Variants in WWOX observed in about 807,000 individuals in gnomAD.
WWOX encodes the protein WW domain containing oxidoreductase, also known as WW domain-containing oxidoreductase.
Under a neutral mutation model 46.2 loss-of-function variants are expected in WWOX, and 69 were observed. The observed-to-expected ratio is 1.49, with a 90% confidence interval of 1.23 to 1.82. WWOX has a LOEUF of 1.82. Among genes scored for constraint, WWOX ranks in the 40% most tolerant of loss-of-function variants. WWOX has a pLI of 0.00. For missense variants in WWOX, 919 were observed against 542.6 expected (o/e 1.69, Z -6.89); for synonymous variants, 359 against 202.6 (o/e 1.77, Z -6.56).
chr16:78,621,755 C>T (rs1430271620), intron 8 of WWOX, among the ~76,000 whole-genome samples: 2 of 151,628 alleles, frequency 1.3e-5, no homozygotes, highest in African/African-American at 4.8e-5. Flanking sequence ...CAGGCACTCA[C>T]CACCATGCCT....
At chr16:78,133,208 T>G (rs2151698881) in intron 4 of WWOX, among the ~76,000 whole-genome samples, 1 of 152,318 alleles carries the variant, frequency 6.6e-6, no homozygotes, top group African/African-American at 2.4e-5. Flanking sequence ...TTAAAAAACC[T>G]TATCCGCGTG....
At chr16:78,824,983 G>A (rs2051608436) in intron 8 of WWOX, among the ~76,000 whole-genome samples, 1 of 152,074 alleles carries the variant, frequency 6.6e-6, no homozygotes, top group Non-Finnish European at 1.5e-5. Flanking sequence ...GTAGAAAATG[G>A]CAGCGTTATA....
At chr16:79,133,460 G>A (rs991377445) in intron 8 of WWOX, among the ~76,000 whole-genome samples, 2 of 152,190 alleles carry the variant, frequency 1.3e-5, no homozygotes, top group Non-Finnish European at 2.9e-5. Flanking sequence ...TACACAGAAC[G>A]AGTACGGTCT....
chr16:78,527,201 C>T (rs575532847), intron 8 of WWOX, among the ~76,000 whole-genome samples: 1 of 152,004 alleles, frequency 6.6e-6, no homozygotes, highest in Non-Finnish European at 1.5e-5. Context: ...GATGAACAAC[C>T]CCACACAACC....
In WWOX at chr16:78,868,374, A is replaced by T. The variant is rs570887909; in HGVS notation, c.1057-343234A>T. Reference sequence around the variant, plus strand: ...AGAATGATGGTTGCCTGGGGCTGGGAGTGAGTGGAGGGGATTACCTGGAAA... The same window carrying T: ...AGAATGATGGTTGCCTGGGGCTGGGTGTGAGTGGAGGGGATTACCTGGAAA... On this transcript the variant is annotated intron_variant, in intron 8 of 8. Coordinates refer to ENST00000566780, the MANE Select transcript of WWOX (RefSeq NM_016373.4). Among the ~76,000 whole-genome samples the T allele has an allele frequency of 1.8e-4, 27 of 151,616 alleles. 1 individual carries two copies. The South Asian group carries it at 5.2e-3, about 29-fold the overall frequency.
intron 8 of WWOX, among the ~76,000 whole-genome samples, chr16:79,063,765 AAAAATG>A (rs2048394942): frequency 1.3e-5 from 2 of 152,236 alleles, no homozygotes; most frequent in Non-Finnish European, 2.9e-5. Context: ...AGCTCAAAAT[AAAAATG>A]AAAATGAAAA....
At chr16:78,516,540 CTG>C (rs2043239122) in intron 8 of WWOX, among the ~76,000 whole-genome samples, 1 of 152,132 alleles carries the variant, frequency 6.6e-6, no homozygotes, top group Non-Finnish European at 1.5e-5. Context: ...CAGATTTCCT[CTG>C]TGATGTTGGA....
intron 8 of WWOX, among the ~76,000 whole-genome samples, chr16:79,117,844 C>A (rs2049548433): frequency 6.6e-6 from 1 of 152,206 alleles, no homozygotes; most frequent in Non-Finnish European, 1.5e-5. Flanking sequence ...TCAGCCTTCA[C>A]ACAATTATAG....
At chr16:78,253,358 A>C (rs565868126) in intron 5 of WWOX, among the ~76,000 whole-genome samples, 1 of 152,310 alleles carries the variant, frequency 6.6e-6, no homozygotes, top group South Asian at 2.1e-4. Context: ...TCCATGCACA[A>C]AGTGTTTTGC....
intron 8 of WWOX, among the ~76,000 whole-genome samples, chr16:78,571,018 C>G (rs80196722): frequency 2.0e-5 from 3 of 152,240 alleles, no homozygotes; most frequent in East Asian, 1.9e-4. Context: ...GCCCAGATGA[C>G]TTGTTCATGT....
At chr16:78,244,624 A>G (rs147091805) in intron 5 of WWOX, among the ~76,000 whole-genome samples, 1 of 152,270 alleles carries the variant, frequency 6.6e-6, no homozygotes, top group East Asian at 1.9e-4. Flanking sequence ...AAGTGCAGTG[A>G]TCAATCAGCA....
chr16:78,931,196 C>G (rs1597166879), intron 8 of WWOX, among the ~76,000 whole-genome samples: 1 of 152,186 alleles, frequency 6.6e-6, no homozygotes, highest in African/African-American at 2.4e-5. Context: ...AGTTACCACA[C>G]TCAGGAATAG....
At chr16:79,118,603 T>C (rs2049566000) in intron 8 of WWOX, among the ~76,000 whole-genome samples, 1 of 152,132 alleles carries the variant, frequency 6.6e-6, no homozygotes. Context: ...TAAAATGAGG[T>C]ATGCCGATAA....
At chr16:79,023,915 C>T (rs557781819) in intron 8 of WWOX, among the ~76,000 whole-genome samples, 2 of 152,010 alleles carry the variant, frequency 1.3e-5, no homozygotes, top group Non-Finnish European at 2.9e-5. Flanking sequence ...AAGATTGTGC[C>T]ACTGCACTCC....
intron 8 of WWOX, among the ~76,000 whole-genome samples, chr16:78,542,254 G>A (rs1444799769): frequency 6.6e-6 from 1 of 151,966 alleles, no homozygotes; most frequent in East Asian, 1.9e-4. Flanking sequence ...TGATCTCCTG[G>A]TGCCATTTTC....
At chr16:78,886,967 G>A (rs1039552914) in intron 8 of WWOX, among the ~76,000 whole-genome samples, 17 of 151,848 alleles carry the variant, frequency 1.1e-4, no homozygotes, top group Admixed American at 1.1e-3. Flanking sequence ...AAGTTTATAG[G>A]GTCTGCTGGG....
At chr16:78,870,524 C>G (rs1372226262) in intron 8 of WWOX, among the ~76,000 whole-genome samples, 2 of 152,024 alleles carry the variant, frequency 1.3e-5, no homozygotes, top group Non-Finnish European at 2.9e-5. Context: ...ACAAAAAACC[C>G]TTACTGATCT....
intron 5 of WWOX, among the ~76,000 whole-genome samples, chr16:78,199,797 T>A (rs1408207065): frequency 6.6e-6 from 1 of 152,102 alleles, no homozygotes; most frequent in Non-Finnish European, 1.5e-5. Context: ...AGATCCCTCT[T>A]CTCTCTTGTC....
chr16:78,473,869 C>G (rs139912847), intron 8 of WWOX, among the ~76,000 whole-genome samples: 3 of 152,266 alleles, frequency 2.0e-5, no homozygotes, highest in African/African-American at 7.2e-5. Context: ...GCAGCACACA[C>G]GCTGCCATTC....
Sources: gnomAD v4.1 joint callset for allele counts (sites outside exome capture counted in the v4.1 genomes callset) on GRCh38, gnomAD v4.1.1 for gene constraint, MANE v1.5 for transcripts, NCBI Gene and HGNC (gene_info 2026-07-23, HGNC 2026-07-21) for gene names.